Variants in PARM1 observed in about 807,000 individuals in gnomAD.
The protein encoded by PARM1 is prostate androgen-regulated mucin-like protein 1, also known as WSC4, cell wall integrity and stress response component 4 homolog.
PARM1 carries 14 observed loss-of-function variants against 24.6 expected under a neutral mutation model. The ratio of observed to expected loss-of-function variants is 0.57; its 90% CI spans 0.38 to 0.89. The LOEUF (loss-of-function observed/expected upper bound fraction) is 0.89. PARM1 is among the 40% of genes least tolerant of loss of function. PARM1 has a pLI of 0.00. For missense variants in PARM1, 362 were observed against 380.4 expected, an observed-to-expected ratio of 0.95 and a Z score of 0.40; for synonymous variants, 179 against 156.6, an observed-to-expected ratio of 1.14 and a Z score of -1.07.
chr4:75,003,047 C>T (rs1265765718), intron 1 of PARM1, among the ~76,000 whole-genome samples: 1 of 152,190 alleles, frequency 6.6e-6, no homozygotes, highest in East Asian at 1.9e-4. Flanking sequence ...CTGATGTTGT[C>T]CTTCGGAAAA....
chr4:75,011,716 A>G (rs1174198867), intron 1 of PARM1, among the ~76,000 whole-genome samples: 4 of 152,232 alleles, frequency 2.6e-5, no homozygotes, highest in Non-Finnish European at 4.4e-5. Flanking sequence ...TAAGGACCTC[A>G]GGCTGGAATT....
intron 1 of PARM1, among the ~76,000 whole-genome samples, chr4:75,002,659 T>C (rs961215070): frequency 1.3e-5 from 2 of 152,136 alleles, no homozygotes; most frequent in Non-Finnish European, 2.9e-5. Context: ...AAGTGATGCC[T>C]GAGTTCTCTC....
intron 1 of PARM1, among the ~76,000 whole-genome samples, chr4:74,936,847 CAAG>C (rs1448956335): frequency 6.6e-6 from 1 of 152,080 alleles, no homozygotes; most frequent in African/African-American, 2.4e-5. Flanking sequence ...TCTGAATACT[CAAG>C]AAGGACAAAA....
At chr4:74,977,168 A>G (rs892034118) in intron 1 of PARM1, among the ~76,000 whole-genome samples, 2 of 152,224 alleles carry the variant, frequency 1.3e-5, no homozygotes, top group Non-Finnish European at 2.9e-5. Flanking sequence ...TTACTGAGCT[A>G]CCAGAGCATG....
intron 1 of PARM1, among the ~76,000 whole-genome samples, chr4:74,940,032 GT>G (rs1223560862): frequency 6.6e-6 from 1 of 152,056 alleles, no homozygotes; most frequent in Non-Finnish European, 1.5e-5. Flanking sequence ...AGAGGGTTTT[GT>G]TTATCTGTGT....
chr4:75,002,150 G>A (rs1722694124), intron 1 of PARM1, among the ~76,000 whole-genome samples: 1 of 152,190 alleles, frequency 6.6e-6, no homozygotes. Context: ...GAGACATCAG[G>A]AAAAGAAGTG....
intron 1 of PARM1, among the ~76,000 whole-genome samples, chr4:74,943,610 G>T (rs1721354964): frequency 6.6e-6 from 1 of 152,034 alleles, no homozygotes; most frequent in South Asian, 2.1e-4. Flanking sequence ...TTCTTAAAAT[G>T]TAAGCTTTAT....
intron 1 of PARM1, among the ~76,000 whole-genome samples, chr4:74,984,497 T>C (rs1475345500): frequency 6.6e-6 from 1 of 152,238 alleles, no homozygotes; most frequent in Non-Finnish European, 1.5e-5. Context: ...GGAGTTGTCC[T>C]GTTTCCAAAG....
chr4:74,984,864 A>G (rs1403655361), intron 1 of PARM1, among the ~76,000 whole-genome samples: 1 of 152,186 alleles, frequency 6.6e-6, no homozygotes, highest in Non-Finnish European at 1.5e-5. Flanking sequence ...TATGCAGTAG[A>G]GACTATATGT....
chr4:74,989,923 T>C (rs536801295), intron 1 of PARM1, among the ~76,000 whole-genome samples: 3 of 152,218 alleles, frequency 2.0e-5, no homozygotes, highest in East Asian at 1.9e-4. Context: ...GTGGATTGTA[T>C]TGGTGGCCTC....
chr4:74,961,737 G>C (rs569517686), intron 1 of PARM1, among the ~76,000 whole-genome samples: 2 of 152,174 alleles, frequency 1.3e-5, no homozygotes, highest in African/African-American at 4.8e-5. Flanking sequence ...TCTTTCAAAA[G>C]AGGAGAAATT....
intron 1 of PARM1, among the ~76,000 whole-genome samples, chr4:74,992,835 A>G (rs942556537): frequency 1.3e-5 from 2 of 152,204 alleles, no homozygotes; most frequent in Non-Finnish European, 2.9e-5. Context: ...GCAATGCAAG[A>G]AATTCTTCAG....
chr4:74,965,434 T>C (rs1197299862), intron 1 of PARM1: 2 of 152,210 alleles, frequency 1.3e-5, no homozygotes, highest in Admixed American at 1.3e-4. Context: ...GTCATTCCTT[T>C]GTAAAAGGGC....
chr4:75,006,410 G>A (rs763482383), intron 1 of PARM1, among the ~76,000 whole-genome samples: 5 of 150,720 alleles, frequency 3.3e-5, no homozygotes, highest in South Asian at 2.1e-4. Flanking sequence ...TTCTTTCTTC[G>A]TGATAGTTTG....
At chr4:74,983,857 T>C (rs1325263898) in intron 1 of PARM1, among the ~76,000 whole-genome samples, 2 of 152,214 alleles carry the variant, frequency 1.3e-5, no homozygotes, top group Non-Finnish European at 2.9e-5. Flanking sequence ...TTCTTGGCTG[T>C]TTTTTAAGGT....
At chr4:75,025,876 G>A (rs1243645730) in intron 2 of PARM1, among the ~76,000 whole-genome samples, 3 of 152,144 alleles carry the variant, frequency 2.0e-5, no homozygotes, top group South Asian at 2.1e-4. Flanking sequence ...CTCACAGTTC[G>A]AATCCCAATT....
intron 1 of PARM1, among the ~76,000 whole-genome samples, chr4:74,938,487 G>T (rs1161406290): frequency 2.6e-5 from 4 of 152,144 alleles, no homozygotes; most frequent in Non-Finnish European, 5.9e-5. Flanking sequence ...AAAAATTGAT[G>T]TTTTATGTAC....
chr4:74,952,530 T>C (rs1471363600), intron 1 of PARM1, among the ~76,000 whole-genome samples: 1 of 152,218 alleles, frequency 6.6e-6, no homozygotes, highest in Non-Finnish European at 1.5e-5. Flanking sequence ...ATGTCCTGAA[T>C]GGTATTGCCT....
chr4:74,971,029 G>T (rs1408535352), intron 1 of PARM1, among the ~76,000 whole-genome samples: 2 of 152,196 alleles, frequency 1.3e-5, no homozygotes, highest in African/African-American at 4.8e-5. Context: ...ACTGAGAAGT[G>T]AGCATTTGGA....
Sources: allele counts gnomAD v4.1 joint callset (sites outside exome capture counted in the v4.1 genomes callset), GRCh38; gene constraint gnomAD v4.1.1; transcripts MANE v1.5; gene names NCBI Gene and HGNC (gene_info 2026-07-23, HGNC 2026-07-21).